The following NSG2 variants were observed in gnomAD, a reference collection of about 807,000 sequenced individuals.
The protein encoded by NSG2 is neuronal vesicle trafficking associated 2.
NSG2 carries 4 observed loss-of-function variants against 16.9 expected under a neutral mutation model. The observed-to-expected ratio is 0.24, with a 90% CI of 0.12 to 0.54. The LOEUF (loss-of-function observed/expected upper bound fraction) is 0.54. NSG2 is among the 20% of genes least tolerant of loss of function. The probability of loss-of-function intolerance (pLI) is 0.95; values close to 1 mark genes in which losing one functional copy is unlikely to be tolerated. For missense variants in NSG2, 179 were observed against 221.1 expected (o/e 0.81, Z 1.21); for synonymous variants, 98 against 88.7 (o/e 1.11, Z -0.59).
chr5:174,084,942 T>C (rs1489090364), intron 3 of NSG2, among the ~76,000 whole-genome samples: 1 of 152,174 alleles, frequency 6.6e-6, no homozygotes, highest in Admixed American at 6.5e-5. Context: ...ACAGTCAGAA[T>C]GGTGGATAAG....
Position 174,060,373 on chromosome 5 carries a change from A to AT in NSG2, c.130-3847dup, listed in dbSNP as rs58018000. 1.2e-3 allele frequency among the ~76,000 whole-genome samples: 171 copies of AT among 147,826 alleles called. 2 individuals carry two copies. The Middle Eastern group carries it at 0.017, about 15-fold the overall frequency. ...GACTAAGAAGCAAGTACTTCTTAATATTTTTTTTTTTTAAATTTACTAGTC... is the reference window on the plus strand; with the variant it reads ...GACTAAGAAGCAAGTACTTCTTAATATTTTTTTTTTTTTAAATTTACTAGTC... On this transcript the variant is annotated intron_variant, in intron 2 of 4. Coordinates refer to ENST00000303177, the MANE Select transcript of NSG2 (RefSeq NM_015980.5).
At chr5:174,104,069 C>G (rs934998326) in intron 3 of NSG2, among the ~76,000 whole-genome samples, 159 bp from the exon 4 acceptor site, 12 of 152,166 alleles carry the variant, frequency 7.9e-5, no homozygotes, top group African/African-American at 2.7e-4. Context: ...GGCCCAAAGA[C>G]TGCAAGTTAG....
At chr5:174,105,894 C>T (rs62395642) in intron 4 of NSG2, among the ~76,000 whole-genome samples, 10,708 of 151,954 alleles carry the variant, frequency 0.07, 404 homozygotes, top group East Asian at 0.089. Context: ...GAGCGAGACT[C>T]TGTCTCAAAA....
chr5:174,100,751 G>A (rs927358756), intron 3 of NSG2, among the ~76,000 whole-genome samples: 12 of 152,242 alleles, frequency 7.9e-5, no homozygotes, highest in African/African-American at 2.9e-4. Flanking sequence ...GACGTTAGCA[G>A]TGGAAGAGCT....
intron 2 of NSG2, among the ~76,000 whole-genome samples, chr5:174,061,459 C>T (rs1211233972): frequency 1.3e-5 from 2 of 152,218 alleles, no homozygotes; most frequent in African/African-American, 4.8e-5. Flanking sequence ...CTCGTATTCG[C>T]ATTGCAGTTC....
chr5:174,101,985 A>T (rs1366390371), intron 3 of NSG2, among the ~76,000 whole-genome samples: 7 of 152,106 alleles, frequency 4.6e-5, no homozygotes, highest in African/African-American at 1.7e-4. Flanking sequence ...GCACCATCTC[A>T]TCCCATACTG....
rs771090430 is a variant in NSG2, at chr5:174,046,772, G to C, written c.17G>C (p.Ser6Thr). ...GGCGTAAGGATGGTGAAGCTGAACA[G>C]TAACCCCAGCGAGAAGGGAACCAAG... The part of the protein sequence containing the change: MVKLN[S>T]NPSEKGTKPP... Residue 6 changes from serine to threonine, a missense_variant, in exon 2 of 5, where the codon AGT becomes ACT. Ser to Thr is a moderately conservative substitution (Grantham distance 58). Transcript: ENST00000303177. The C allele has an allele frequency of 1.9e-5, 31 of 1,614,034 alleles. No homozygotes were observed. Among genetic ancestry groups the C allele is most frequent in the Admixed American group, 3.3e-5 (2 of 60,006 alleles).
At position 174,107,483 on chromosome 5, in the gene NSG2, C is replaced by G. The variant is rs151227294; in HGVS notation, c.494C>G (p.Pro165Arg). ...SAAAVIHEPK[P>R]PKTQGH ...GCCGCTGTCATCCATGAGCCCAAGC[C>G]GCCCAAGACCCAGGGCCACTAGAGG... Residue 165 changes from proline (P) to arginine (R), a missense_variant, in exon 5 of 5, where the codon CCG becomes CGG. By Grantham distance (103) the Pro-to-Arg change is moderately radical (BLOSUM62 -2). Coordinates refer to ENST00000303177, the MANE Select transcript of NSG2 (RefSeq NM_015980.5). This position sits in a 1 kb window ranked among gnomAD's most constrained non-coding sequence, Gnocchi z 4.5. The G allele has an allele frequency of 8.1e-6, 13 of 1,609,698 alleles. No homozygotes were observed. Among genetic ancestry groups the G allele is most frequent in the Non-Finnish European group, 1.0e-5 (12 of 1,176,768 alleles).
At chr5:174,083,561 C>T (rs1444396286) in intron 3 of NSG2, among the ~76,000 whole-genome samples, 1 of 152,314 alleles carries the variant, frequency 6.6e-6, no homozygotes, top group Middle Eastern at 3.4e-3. Flanking sequence ...CGAGAACTCA[C>T]CATTCAGCTG....
At chr5:174,061,615 C>CT (rs1336027953) in intron 2 of NSG2, among the ~76,000 whole-genome samples, 1 of 151,698 alleles carries the variant, frequency 6.6e-6, no homozygotes, top group Non-Finnish European at 1.5e-5. Context: ...TCTTTTTTTT[C>CT]TTTTTTTGAG....
rs1452266632 is a variant in NSG2 at position 174,107,976 on chromosome 5, C to T, written c.*471C>T. The T allele has an allele frequency of 2.8e-6, 1 of 357,244 alleles. No individual in the cohort carries two copies. The highest frequency in any genetic ancestry group is 2.1e-5 in the African/African-American group (1 of 46,750). The allele number at this position is 357,244 out of a possible 1,614,324, so 22.1% of individuals were successfully genotyped here. On this transcript the variant is annotated 3_prime_UTR_variant, in exon 5 of 5. Coordinates refer to ENST00000303177, the MANE Select transcript of NSG2 (RefSeq NM_015980.5). The surrounding 1 kb of genome is among the most constrained non-coding windows in gnomAD (Gnocchi z 4.5). ...CCAGGGTTGCAGAGTATGAGTGACA[C>T]AGACCGGGACTATTCCATTAGCCTG...
intron 2 of NSG2, among the ~76,000 whole-genome samples, chr5:174,063,934 T>C (rs530990503): frequency 3.9e-5 from 6 of 152,320 alleles, no homozygotes; most frequent in Admixed American, 2.0e-4. Context: ...AACTATAAAG[T>C]ATGAATTCAT....
At position 174,097,162 on chromosome 5, in the gene NSG2, G is replaced by T. The variant is rs149770702; in HGVS notation, c.214-7066G>T. On this transcript the variant is annotated intron_variant, in intron 3 of 4. Transcript: ENST00000303177. ...CAGCGGTCGCTGTGACTGTAGTCCC[G>T]GCACATCTTTGCCAGAGTCGCCAAC... Among the ~76,000 whole-genome samples the T allele has an allele frequency of 5.8e-3, 886 of 152,162 alleles. 5 individuals are homozygous for T. Among genetic ancestry groups the T allele is most frequent in the African/African-American group, 0.02 (844 of 41,492 alleles).
intron 3 of NSG2, among the ~76,000 whole-genome samples, chr5:174,068,275 A>G (rs1305383128): frequency 6.6e-6 from 1 of 152,192 alleles, no homozygotes; most frequent in Admixed American, 6.5e-5. Context: ...GTGGGGAGAG[A>G]TGAATAGAGA....
chr5:174,088,918 G>A (rs1466844116), intron 3 of NSG2, among the ~76,000 whole-genome samples: 1 of 152,188 alleles, frequency 6.6e-6, no homozygotes, highest in Non-Finnish European at 1.5e-5. Context: ...TGGATGCAAA[G>A]GTGAAGTCAC....
At chr5:174,059,346 A>C (rs946561759) in intron 2 of NSG2, among the ~76,000 whole-genome samples, 2 of 152,134 alleles carry the variant, frequency 1.3e-5, no homozygotes, top group Non-Finnish European at 2.9e-5. Context: ...ATTAGTGTAC[A>C]TTTGAGATGT....
chr5:174,057,590 T>C (rs1759985578), intron 2 of NSG2, among the ~76,000 whole-genome samples: 1 of 152,242 alleles, frequency 6.6e-6, no homozygotes, highest in African/African-American at 2.4e-5. Context: ...ACCTTCACTG[T>C]GGCCAGAGGC....
At position 174,107,040 on chromosome 5, in the gene NSG2, C is replaced by T. The variant is rs1213992539; in HGVS notation, c.325-274C>T. Among the ~76,000 whole-genome samples, 1 of 152,186 alleles carries T rather than the reference C, an allele frequency of 6.6e-6. No individual in the cohort carries two copies. The highest frequency in any genetic ancestry group is 1.5e-5 in the Non-Finnish European group (1 of 68,020). On this transcript the variant is annotated intron_variant, in intron 4 of 4. Coordinates refer to ENST00000303177, the MANE Select transcript of NSG2 (RefSeq NM_015980.5). The surrounding 1 kb of genome is among the most constrained non-coding windows in gnomAD (Gnocchi z 4.5). ...TCTGTGGGGGTCTCTACAGCATCCACTACAGCCGGACAGTCAGTATGCAGA... is the reference window on the plus strand; with the variant it reads ...TCTGTGGGGGTCTCTACAGCATCCATTACAGCCGGACAGTCAGTATGCAGA...
In NSG2 at chr5:174,073,223, C is replaced by T. The variant is rs540722777; in HGVS notation, c.213+8908C>T. 2.0e-5 allele frequency among the ~76,000 whole-genome samples: 3 copies of T among 152,312 alleles called. No individual in the cohort carries two copies. The South Asian group carries it at 6.2e-4, about 32-fold the overall frequency. On this transcript the variant is annotated intron_variant, in intron 3 of 4. Coordinates refer to ENST00000303177, the MANE Select transcript of NSG2 (RefSeq NM_015980.5). ...AAGTTAGACAACATTTCTAGCTTCA[C>T]CATTTGCTTCTACCAATTTTTCATC...
Sources: gnomAD v4.1 joint callset for allele counts (sites outside exome capture counted in the v4.1 genomes callset) on GRCh38, gnomAD v4.1.1 for gene constraint, Gnocchi (gnomAD v3.1) non-coding constraint, MANE v1.5 for transcripts, NCBI Gene and HGNC (gene_info 2026-07-23, HGNC 2026-07-21) for gene names.